The following SLC24A2 variants were observed in gnomAD, a reference collection of about 807,000 sequenced individuals.
SLC24A2 encodes solute carrier family 24 member 2.
A neutral mutation model predicts 62.0 loss-of-function variants in SLC24A2; 36 were observed. The ratio of observed to expected loss-of-function variants is 0.58; its 90% CI spans 0.44 to 0.77. The LOEUF is 0.77. SLC24A2 is among the 30% of genes least tolerant of loss of function. The probability of loss-of-function intolerance (pLI) is 0.00; values close to 1 mark genes in which losing one functional copy is unlikely to be tolerated. For synonymous variants in SLC24A2, 358 were observed against 294.0 expected (o/e 1.22, Z -2.23); for missense variants, 846 against 817.9 (o/e 1.03, Z -0.42).
chr9:19,731,247 T>G (rs937893814), intron 2 of SLC24A2, among the ~76,000 whole-genome samples: 6 of 152,244 alleles, frequency 3.9e-5, no homozygotes, highest in Admixed American at 3.3e-4. Context: ...ACTACTAGTA[T>G]AACTTATCTT....
the SLC24A2 span, among the ~76,000 whole-genome samples, chr9:20,210,171 G>T: frequency 2.6e-5 from 4 of 152,154 alleles, no homozygotes; most frequent in African/African-American, 9.7e-5. Flanking sequence ...TAAAAGACCT[G>T]CTGTGGTTTT....
chr9:19,549,037 A>G (rs1465535285), intron 8 of SLC24A2, among the ~76,000 whole-genome samples: 1 of 152,198 alleles, frequency 6.6e-6, no homozygotes, highest in African/African-American at 2.4e-5. Flanking sequence ...ACTCACTTCA[A>G]CAACAGTGGG....
the SLC24A2 span, among the ~76,000 whole-genome samples, chr9:19,900,768 A>G: frequency 6.6e-6 from 1 of 152,198 alleles, no homozygotes; most frequent in East Asian, 1.9e-4. Context: ...TTGTCTGGTG[A>G]TAATCTACTC....
chr9:20,015,878 C>T, the SLC24A2 span, among the ~76,000 whole-genome samples: 4 of 152,178 alleles, frequency 2.6e-5, no homozygotes, highest in Admixed American at 2.0e-4. Context: ...CAGGAAATGT[C>T]CCACTTAACA....
At chr9:20,265,444 G>A in the SLC24A2 span, among the ~76,000 whole-genome samples, 13 of 152,084 alleles carry the variant, frequency 8.5e-5, no homozygotes, top group African/African-American at 2.9e-4. Context: ...AATTTCTTAC[G>A]CCTGTCTTTA....
At chr9:19,575,642 C>T (rs1484801391) in intron 6 of SLC24A2, among the ~76,000 whole-genome samples, 1 of 152,132 alleles carries the variant, frequency 6.6e-6, no homozygotes, top group Non-Finnish European at 1.5e-5. Flanking sequence ...CATTGAGAGC[C>T]CCAATAACAT....
chr9:20,160,105 C>T, the SLC24A2 span, among the ~76,000 whole-genome samples: 1 of 151,200 alleles, frequency 6.6e-6, no homozygotes, highest in Non-Finnish European at 1.5e-5. Context: ...CAATGACTTA[C>T]TAGATAATGG....
the SLC24A2 span, among the ~76,000 whole-genome samples, chr9:19,858,518 G>A: frequency 1.3e-5 from 2 of 152,066 alleles, no homozygotes; most frequent in Non-Finnish European, 2.9e-5. Context: ...TAATTAAAGA[G>A]TTTCTTTACA....
At chr9:20,123,925 T>C in the SLC24A2 span, among the ~76,000 whole-genome samples, 1 of 152,196 alleles carries the variant, frequency 6.6e-6, no homozygotes, top group East Asian at 1.9e-4. Context: ...TAGTGCTCAC[T>C]AGCATTTTGA....
At chr9:20,154,297 G>A in the SLC24A2 span, among the ~76,000 whole-genome samples, 2 of 151,816 alleles carry the variant, frequency 1.3e-5, no homozygotes, top group Non-Finnish European at 2.9e-5. Flanking sequence ...GGTGACAAAT[G>A]GGGAAGTCAC....
intron 2 of SLC24A2, among the ~76,000 whole-genome samples, chr9:19,731,513 CTCCGT>C (rs1821333495): frequency 3.7e-5 from 4 of 108,862 alleles, no homozygotes; most frequent in African/African-American, 1.5e-4. Flanking sequence ...CTCTCTCTCT[CTCCGT>C]GTGTGTGTGT....
chr9:20,004,811 AT>A, the SLC24A2 span, among the ~76,000 whole-genome samples: 63,293 of 150,012 alleles, frequency 0.42, 13,804 homozygotes, highest in African/African-American at 0.46. Flanking sequence ...GAAGATGATG[AT>A]TTTTTTTTTT....
chr9:20,107,067 A>T, the SLC24A2 span, among the ~76,000 whole-genome samples: 1 of 151,944 alleles, frequency 6.6e-6, no homozygotes, highest in African/African-American at 2.4e-5. Context: ...AGACAAACAG[A>T]GAGCCATGAG....
the SLC24A2 span, among the ~76,000 whole-genome samples, chr9:20,250,372 C>A: frequency 6.6e-6 from 1 of 152,164 alleles, no homozygotes; most frequent in East Asian, 1.9e-4. Flanking sequence ...TGACAATGAG[C>A]CCCCATCTGG....
chr9:19,941,630 G>A, the SLC24A2 span, among the ~76,000 whole-genome samples: 18 of 150,608 alleles, frequency 1.2e-4, 1 homozygote, highest in Admixed American at 1.2e-3. Context: ...TTGTAGAAAC[G>A]AGGGTGGCTT....
At chr9:19,659,657 C>G (rs1020054036) in intron 2 of SLC24A2, among the ~76,000 whole-genome samples, 3 of 152,122 alleles carry the variant, frequency 2.0e-5, no homozygotes, top group Non-Finnish European at 4.4e-5. Context: ...AACCTGACGA[C>G]TAGGGCTGCA....
chr9:19,759,056 G>A (rs1822233562), intron 2 of SLC24A2, among the ~76,000 whole-genome samples: 1 of 152,110 alleles, frequency 6.6e-6, no homozygotes, highest in African/African-American at 2.4e-5. Flanking sequence ...ATCTTGCCAA[G>A]CAAAGAGAAA....
the SLC24A2 span, among the ~76,000 whole-genome samples, chr9:20,188,495 T>C: frequency 6.6e-6 from 1 of 152,196 alleles, no homozygotes; most frequent in Non-Finnish European, 1.5e-5. Context: ...ACATCCACAT[T>C]CTAATTCTCA....
At chr9:19,821,054 T>G in the SLC24A2 span, among the ~76,000 whole-genome samples, 1 of 152,094 alleles carries the variant, frequency 6.6e-6, no homozygotes, top group Non-Finnish European at 1.5e-5. Context: ...AATAAAATGG[T>G]AAATTTTTTT....
Sources: allele counts gnomAD v4.1 joint callset (sites outside exome capture counted in the v4.1 genomes callset), GRCh38; gene constraint gnomAD v4.1.1; transcripts MANE v1.5; gene names NCBI Gene and HGNC (gene_info 2026-07-23, HGNC 2026-07-21).